Variants in PRKAR2A observed in about 807,000 individuals in gnomAD.
PRKAR2A encodes protein kinase cAMP-dependent type II regulatory subunit alpha.
In PRKAR2A, 29 loss-of-function variants were observed where a neutral mutation model predicts 51.9. The ratio of observed to expected loss-of-function variants is 0.56; its 90% confidence interval spans 0.42 to 0.76. PRKAR2A has a LOEUF of 0.76. Among genes scored for constraint, PRKAR2A ranks in the 30% least tolerant of loss-of-function variants. The pLI is 0.00. For synonymous variants in PRKAR2A, 178 were observed against 186.2 expected (o/e 0.96, Z 0.36); for missense variants, 445 against 512.1 (o/e 0.87, Z 1.26).
chr3:48,788,499 T>C (rs1397767324), intron 4 of PRKAR2A, among the ~76,000 whole-genome samples: 1 of 152,026 alleles, frequency 6.6e-6, no homozygotes, highest in Non-Finnish European at 1.5e-5. Flanking sequence ...GCCTTCAAAG[T>C]AGAGAAGAAA....
chr3:48,803,611 A>G (rs1198064377), intron 2 of PRKAR2A, among the ~76,000 whole-genome samples: 1 of 152,156 alleles, frequency 6.6e-6, no homozygotes, highest in African/African-American at 2.4e-5. Flanking sequence ...TTTTTAGTAA[A>G]GACAGGGTTT....
At chr3:48,764,099 G>A (rs2081902964) in intron 8 of PRKAR2A, among the ~76,000 whole-genome samples, 1 of 152,148 alleles carries the variant, frequency 6.6e-6, no homozygotes, top group African/African-American at 2.4e-5. Flanking sequence ...TCTAGGATAA[G>A]CATATCACCC....
intron 6 of PRKAR2A, among the ~76,000 whole-genome samples, chr3:48,765,815 C>T (rs539666406): frequency 2.5e-4 from 34 of 138,674 alleles, no homozygotes; most frequent in Non-Finnish European, 4.1e-4. Context: ...TTTAAAAAAA[C>T]TTAAAAAATC....
At chr3:48,835,573 G>A (rs2083269467) in intron 1 of PRKAR2A, among the ~76,000 whole-genome samples, 1 of 147,150 alleles carries the variant, frequency 6.8e-6, no homozygotes, top group Admixed American at 7.0e-5. Flanking sequence ...CCAGGAGGCA[G>A]AACTTGCAGT....
At chr3:48,778,782 C>A (rs561468972) in intron 5 of PRKAR2A, among the ~76,000 whole-genome samples, 69 of 149,196 alleles carry the variant, frequency 4.6e-4, no homozygotes, top group Non-Finnish European at 9.2e-4. Flanking sequence ...CCTCCCAAAG[C>A]GCTGGGATTA....
chr3:48,755,496 A>G (rs2081746179), intron 9 of PRKAR2A, among the ~76,000 whole-genome samples: 1 of 152,142 alleles, frequency 6.6e-6, no homozygotes, highest in African/African-American at 2.4e-5. Flanking sequence ...ACCATCCATT[A>G]AATGACCACA....
At chr3:48,770,233 A>T (rs1449977962) in intron 6 of PRKAR2A, among the ~76,000 whole-genome samples, 1 of 152,142 alleles carries the variant, frequency 6.6e-6, no homozygotes, top group Admixed American at 6.6e-5. Flanking sequence ...GGAAATTCCC[A>T]CAGGCAGCAA....
chr3:48,760,767 G>C (rs1027984206), intron 8 of PRKAR2A, among the ~76,000 whole-genome samples: 1 of 151,236 alleles, frequency 6.6e-6, no homozygotes, highest in Non-Finnish European at 1.5e-5. Flanking sequence ...CACAGGAGGC[G>C]GGGGTGGTGG....
rs181467539 is a variant in PRKAR2A, at chr3:48,800,533, C to T, written c.299-6484G>A. Among the ~76,000 whole-genome samples, 269 of 145,044 alleles carry T rather than the reference C, an allele frequency of 1.9e-3. 1 individual carries two copies. Among genetic ancestry groups the T allele is most frequent in the African/African-American group, 5.8e-3 (233 of 40,480 alleles). On this transcript the variant is annotated intron_variant, in intron 2 of 10. Coordinates refer to ENST00000265563, the MANE Select transcript of PRKAR2A (RefSeq NM_004157.4). ...TCTCAAAAAAAAAAAAAACTATATA[C>T]ACACACACACACACACACACTAATT...
rs2081636437 is a variant in PRKAR2A at position 48,750,868 on chromosome 3, T to G, written c.*717A>C. 1 of 154,386 alleles carries G rather than the reference T, an allele frequency of 6.5e-6. No homozygotes were observed. Among genetic ancestry groups the G allele is most frequent in the African/African-American group, 2.4e-5 (1 of 41,460 alleles). The allele number at this position is 154,386 out of a possible 1,614,324, so 9.6% of individuals were successfully genotyped here. A position where few individuals can be genotyped will look rare whatever the true frequency, so the allele number is the denominator to read the frequency against. ...ACGTTTCCTGGCTCTCTACTAACAG[T>G]AAAATGTGCTGAGCCCAAATTTTCT... is the stretch of plus-strand genomic sequence containing the variant. On this transcript the variant is annotated 3_prime_UTR_variant, in exon 11 of 11. Transcript: ENST00000265563.
At chr3:48,755,460 T>TA (rs1334515813) in intron 9 of PRKAR2A, among the ~76,000 whole-genome samples, 1 of 152,246 alleles carries the variant, frequency 6.6e-6, no homozygotes, top group Admixed American at 6.5e-5. Context: ...TCCTCCTACT[T>TA]ACAGCTCCTC....
Position 48,751,576 on chromosome 3 carries a change from G to A in PRKAR2A, c.*9C>T. ...TGTCACACTAAGAAGGCTCTGGGGTGTGGCACACCTACTGCCCGAGGTTGC... is the reference window on the plus strand; with the variant it reads ...TGTCACACTAAGAAGGCTCTGGGGTATGGCACACCTACTGCCCGAGGTTGC... On this transcript the variant is annotated 3_prime_UTR_variant, in exon 11 of 11. Transcript: ENST00000265563. The A allele has an allele frequency of 6.2e-7, 1 of 1,609,826 alleles. No homozygotes were observed. The highest frequency in any genetic ancestry group is 8.5e-7 in the Non-Finnish European group (1 of 1,177,280).
intron 1 of PRKAR2A, among the ~76,000 whole-genome samples, chr3:48,812,943 T>C (rs1387909032): frequency 2.0e-5 from 3 of 152,192 alleles, no homozygotes; most frequent in Non-Finnish European, 4.4e-5. Context: ...GTTAGTCACA[T>C]GGTCAAATTA....
chr3:48,797,971 A>G (rs1173774843), intron 2 of PRKAR2A, among the ~76,000 whole-genome samples: 1 of 151,870 alleles, frequency 6.6e-6, no homozygotes, highest in African/African-American at 2.4e-5. Context: ...TTCTTTTTTG[A>G]GACACAGTTT....
chr3:48,823,918 T>C (rs1250551286), intron 1 of PRKAR2A, among the ~76,000 whole-genome samples: 1 of 151,732 alleles, frequency 6.6e-6, no homozygotes, highest in African/African-American at 2.4e-5. Flanking sequence ...CAGGATAATA[T>C]GAACATCAAA....
At chr3:48,827,443 C>T (rs1279742308) in intron 1 of PRKAR2A, among the ~76,000 whole-genome samples, 2 of 151,922 alleles carry the variant, frequency 1.3e-5, no homozygotes, top group Non-Finnish European at 2.9e-5. Context: ...ATATTGGATG[C>T]CTCGAAAAAA....
intron 2 of PRKAR2A, among the ~76,000 whole-genome samples, chr3:48,802,296 C>T (rs1475207473): frequency 6.6e-6 from 1 of 152,150 alleles, no homozygotes; most frequent in African/African-American, 2.4e-5. Flanking sequence ...CTCGCCTTGG[C>T]CTCCCAAAGT....
At chr3:48,837,487 A>C (rs1367856810) in intron 1 of PRKAR2A, among the ~76,000 whole-genome samples, 1 of 152,218 alleles carries the variant, frequency 6.6e-6, no homozygotes. Flanking sequence ...GAATCCTCAA[A>C]ACACTGCTGG....
chr3:48,758,117 G>C (rs1422456405), intron 8 of PRKAR2A, among the ~76,000 whole-genome samples: 2 of 151,918 alleles, frequency 1.3e-5, no homozygotes, highest in African/African-American at 4.8e-5. Context: ...AATTAGCCAG[G>C]AGTGGTGGTG....
Sources: gnomAD v4.1 joint callset for allele counts (sites outside exome capture counted in the v4.1 genomes callset) on GRCh38, gnomAD v4.1.1 for gene constraint, MANE v1.5 for transcripts, NCBI Gene and HGNC (gene_info 2026-07-23, HGNC 2026-07-21) for gene names.